CCDC178: variants seen among roughly 807,000 people sequenced by gnomAD.
The protein encoded by CCDC178 is coiled-coil domain containing 178, also known as coiled-coil domain-containing protein 178.
CCDC178 carries 126 observed loss-of-function variants against 117.4 expected under a neutral mutation model. The observed-to-expected ratio is 1.07, with a 90% CI of 0.93 to 1.24. The LOEUF (loss-of-function observed/expected upper bound fraction) is 1.24, where lower values mean the gene tolerates loss of function less well. Ranked by LOEUF, CCDC178 falls within the 50% of genes most tolerant of loss-of-function variation. The probability of loss-of-function intolerance (pLI) is 0.00; values close to 1 mark genes in which losing one functional copy is unlikely to be tolerated. For missense variants in CCDC178, 1,030 were observed against 986.9 expected, an observed-to-expected ratio of 1.04 and a Z score of -0.59; for synonymous variants, 283 against 313.4, an observed-to-expected ratio of 0.90 and a Z score of 1.02.
chr18:33,366,873 T>C (rs1445264071), intron 6 of CCDC178, among the ~76,000 whole-genome samples: 1 of 152,046 alleles, frequency 6.6e-6, no homozygotes, highest in African/African-American at 2.4e-5. Flanking sequence ...TATATTCACA[T>C]ATATGTATAT....
chr18:32,941,461 G>A (rs542865627), intron 22 of CCDC178, among the ~76,000 whole-genome samples: 3 of 152,020 alleles, frequency 2.0e-5, no homozygotes, highest in South Asian at 2.1e-4. Flanking sequence ...TTGGAAAGAG[G>A]AGCCCATTTT....
chr18:33,241,589 A>C (rs2059489070), intron 15 of CCDC178, among the ~76,000 whole-genome samples: 1 of 151,698 alleles, frequency 6.6e-6, no homozygotes, highest in Non-Finnish European at 1.5e-5. Flanking sequence ...AGCTGAAAAA[A>C]ATAAGATGGC....
chr18:33,246,740 T>C (rs568009610), intron 14 of CCDC178, among the ~76,000 whole-genome samples: 7 of 151,924 alleles, frequency 4.6e-5, no homozygotes, highest in East Asian at 2.0e-4. Flanking sequence ...TTGCATGAGC[T>C]GTGCTTGATG....
intron 6 of CCDC178, among the ~76,000 whole-genome samples, chr18:33,358,838 T>C (rs193062111): frequency 1.7e-3 from 252 of 151,850 alleles, no homozygotes; most frequent in Non-Finnish European, 2.9e-3. Context: ...TTACAACATA[T>C]ACAACTTACT....
At chr18:33,134,880 G>A (rs2058107067) in intron 20 of CCDC178, among the ~76,000 whole-genome samples, 1 of 152,040 alleles carries the variant, frequency 6.6e-6, no homozygotes, top group Non-Finnish European at 1.5e-5. Flanking sequence ...GCAAACCAAT[G>A]AGCAAGTGCT....
intron 1 of CCDC178, 110 bp downstream of exon 1, chr18:33,440,543 C>G (rs2064370376): frequency 6.6e-6 from 1 of 151,742 alleles, no homozygotes; most frequent in South Asian, 2.1e-4. Flanking sequence ...GCATTTGGTT[C>G]TCCCGCGGGA....
chr18:33,125,182 C>A (rs2057989113), intron 20 of CCDC178, among the ~76,000 whole-genome samples: 2 of 152,256 alleles, frequency 1.3e-5, no homozygotes, highest in South Asian at 4.1e-4. Context: ...CTGCACTCCT[C>A]TAATTTTGTT....
rs541278288 is a variant in CCDC178 at position 33,021,469 on chromosome 18, G to A, written c.2389-46788C>T. On this transcript the variant is annotated intron_variant, in intron 21 of 22. Transcript: ENST00000383096. Reference sequence around the variant, plus strand: ...TCTCAGCACTTTGGGAGGCCGAGGCGGTTGGATCACTTGAGGCCAGGAGTT... The same window carrying A: ...TCTCAGCACTTTGGGAGGCCGAGGCAGTTGGATCACTTGAGGCCAGGAGTT... Among the ~76,000 whole-genome samples, 7 of 152,226 alleles carry A rather than the reference G, an allele frequency of 4.6e-5. No individual in the cohort carries two copies. The East Asian group carries it at 5.8e-4, about 13-fold the overall frequency.
intron 12 of CCDC178, among the ~76,000 whole-genome samples, chr18:33,272,643 T>A (rs2059904026): frequency 6.6e-6 from 1 of 151,498 alleles, no homozygotes; most frequent in South Asian, 2.1e-4. Flanking sequence ...GACACAAAAA[T>A]CCTTAACAAA....
chr18:33,146,149 T>C (rs1409088556), intron 20 of CCDC178, among the ~76,000 whole-genome samples: 1 of 152,206 alleles, frequency 6.6e-6, no homozygotes, highest in Non-Finnish European at 1.5e-5. Flanking sequence ...TGCAATAAGT[T>C]GCAGTTTCAA....
At chr18:32,966,534 A>C (rs1338149453) in intron 22 of CCDC178, among the ~76,000 whole-genome samples, 1 of 151,882 alleles carries the variant, frequency 6.6e-6, no homozygotes, top group Non-Finnish European at 1.5e-5. Context: ...TGCTGTGTTA[A>C]TTAATATAAC....
At chr18:33,198,817 G>A (rs1430619513) in intron 20 of CCDC178, among the ~76,000 whole-genome samples, 2 of 152,038 alleles carry the variant, frequency 1.3e-5, no homozygotes, top group Non-Finnish European at 2.9e-5. Flanking sequence ...TTTAGAAGTT[G>A]CATTTTAACA....
At chr18:33,247,964 C>T (rs543858935) in intron 14 of CCDC178, among the ~76,000 whole-genome samples, 7 of 151,518 alleles carry the variant, frequency 4.6e-5, no homozygotes, top group South Asian at 2.1e-4. Flanking sequence ...TTTAAAAATG[C>T]GAGAAATTTC....
At chr18:33,337,513 T>C (rs1265618271) in intron 9 of CCDC178, among the ~76,000 whole-genome samples, 2 of 152,076 alleles carry the variant, frequency 1.3e-5, no homozygotes, top group African/African-American at 4.8e-5. Flanking sequence ...TTTCAACTTT[T>C]CTCTGTTCAG....
At chr18:33,332,255 T>C (rs530550908) in intron 10 of CCDC178, among the ~76,000 whole-genome samples, 2 of 152,294 alleles carry the variant, frequency 1.3e-5, no homozygotes, top group African/African-American at 4.8e-5. Flanking sequence ...TTATAAAGAT[T>C]GTCTTTGGTA....
intron 12 of CCDC178, among the ~76,000 whole-genome samples, chr18:33,278,845 A>T (rs542463085): frequency 1.3e-5 from 2 of 152,282 alleles, no homozygotes; most frequent in Admixed American, 6.5e-5. Flanking sequence ...ACAGAACCAA[A>T]GACAAAAACC....
chr18:33,112,449 T>C (rs957189864), intron 20 of CCDC178, among the ~76,000 whole-genome samples: 2 of 151,938 alleles, frequency 1.3e-5, no homozygotes, highest in African/African-American at 4.8e-5. Flanking sequence ...CTACTAGCCA[T>C]ATTTAAAAGA....
chr18:33,044,597 C>T (rs1309496780), intron 21 of CCDC178, among the ~76,000 whole-genome samples: 2 of 151,730 alleles, frequency 1.3e-5, no homozygotes, highest in East Asian at 3.9e-4. Flanking sequence ...CTAATACAAC[C>T]GTTATGAAAA....
At chr18:33,036,802 T>C (rs1456728724) in intron 21 of CCDC178, among the ~76,000 whole-genome samples, 2 of 151,820 alleles carry the variant, frequency 1.3e-5, no homozygotes, top group African/African-American at 4.8e-5. Flanking sequence ...GAGGTTTTGA[T>C]AAAGGCTAAG....
Sources: allele counts gnomAD v4.1 joint callset (sites outside exome capture counted in the v4.1 genomes callset), GRCh38; gene constraint gnomAD v4.1.1; transcripts MANE v1.5; gene names NCBI Gene and HGNC (gene_info 2026-07-23, HGNC 2026-07-21).